The following ATP8B4 variants were observed in gnomAD, a reference collection of about 807,000 sequenced individuals.
ATP8B4 encodes ATPase phospholipid transporting 8B4 (putative).
In ATP8B4, 133 loss-of-function variants were observed where a neutral mutation model predicts 145.6. That is an observed-to-expected ratio of 0.91 (90% CI 0.79 to 1.05). The LOEUF is 1.05. Among genes scored for constraint, ATP8B4 ranks in the 50% least tolerant of loss-of-function variants. The probability of loss-of-function intolerance (pLI) is 0.00; values close to 1 mark genes in which losing one functional copy is unlikely to be tolerated. For synonymous variants in ATP8B4, 507 were observed against 492.9 expected, an observed-to-expected ratio of 1.03 and a Z score of -0.38; for missense variants, 1,458 against 1,425.2, an observed-to-expected ratio of 1.02 and a Z score of -0.37.
chr15:49,965,551 G>A (rs1217228030), intron 13 of ATP8B4, among the ~76,000 whole-genome samples: 1 of 152,184 alleles, frequency 6.6e-6, no homozygotes, highest in East Asian at 1.9e-4. Flanking sequence ...TAAACAGAAT[G>A]CTTGAAAAGC....
chr15:50,026,544 C>T (rs1004987161), intron 6 of ATP8B4, among the ~76,000 whole-genome samples: 1 of 152,100 alleles, frequency 6.6e-6, no homozygotes, highest in African/African-American at 2.4e-5. Context: ...AGAGGGCAGC[C>T]GAGAGCACCT....
chr15:50,122,796 T>C (rs1420254809), upstream of ATP8B4, among the ~76,000 whole-genome samples: 3 of 152,152 alleles, frequency 2.0e-5, no homozygotes, highest in African/African-American at 7.2e-5. Context: ...GAGTCTACAC[T>C]GCAAACCTAC....
At chr15:50,160,266 G>C (rs1161189117) in intron 1 of ATP8B4, among the ~76,000 whole-genome samples, 1 of 151,062 alleles carries the variant, frequency 6.6e-6, no homozygotes, top group South Asian at 2.1e-4. Flanking sequence ...CTCTGATTTT[G>C]TTTGGTCGTC....
At chr15:49,879,497 C>T (rs3803363) in intron 23 of ATP8B4, 38 bp from the exon 24 acceptor site, 272,184 of 1,514,794 alleles carry the variant, frequency 0.18, 27,926 homozygotes, top group East Asian at 0.55. Flanking sequence ...GAAACATCAT[C>T]CATAGTAGTG....
At chr15:49,976,346 T>C (rs1395805888) in intron 12 of ATP8B4, among the ~76,000 whole-genome samples, 2 of 142,666 alleles carry the variant, frequency 1.4e-5, no homozygotes, top group Non-Finnish European at 3.1e-5. Context: ...GCACTTACAA[T>C]GGGCTGGGGT....
chr15:49,961,253 C>T (rs2044048437), intron 14 of ATP8B4, among the ~76,000 whole-genome samples: 1 of 152,082 alleles, frequency 6.6e-6, no homozygotes, highest in African/African-American at 2.4e-5. Flanking sequence ...ATTGATGTAC[C>T]CATTTTTCAT....
intron 13 of ATP8B4, among the ~76,000 whole-genome samples, chr15:49,964,467 T>C (rs1272891469): frequency 1.3e-5 from 2 of 152,156 alleles, no homozygotes; most frequent in African/African-American, 2.4e-5. Flanking sequence ...AAATAGAAGA[T>C]TTAGATAAAT....
intron 21 of ATP8B4, 39 bp from the exon 22 acceptor site, chr15:49,898,290 A>G (rs1209965755): frequency 6.4e-7 from 1 of 1,570,350 alleles, no homozygotes; most frequent in East Asian, 2.3e-5. Flanking sequence ...AGAACAGGAA[A>G]CAATAAATGA....
At chr15:50,143,344 A>G (rs1211732635) in intron 1 of ATP8B4, among the ~76,000 whole-genome samples, 1 of 152,226 alleles carries the variant, frequency 6.6e-6, no homozygotes, top group Admixed American at 6.5e-5. Context: ...GGCTGGAGGA[A>G]TCATTTTCTG....
intron 26 of ATP8B4, among the ~76,000 whole-genome samples, chr15:49,866,106 A>G (rs1047857596): frequency 6.6e-6 from 1 of 152,190 alleles, no homozygotes; most frequent in Non-Finnish European, 1.5e-5. Flanking sequence ...AGCCTACTAC[A>G]TGTAAGCTGT....
chr15:50,095,276 T>C (rs1257530027), intron 2 of ATP8B4, among the ~76,000 whole-genome samples: 2 of 151,940 alleles, frequency 1.3e-5, no homozygotes, highest in African/African-American at 4.8e-5. Flanking sequence ...AATCAGAGAC[T>C]GAAAGAGAGA....
chr15:49,866,547 C>G (rs558581314), intron 25 of ATP8B4, 63 bp from the exon 26 acceptor site: 202 of 1,575,596 alleles, frequency 1.3e-4, no homozygotes, highest in Non-Finnish European at 1.6e-4. Context: ...CATTTTACCT[C>G]GTGATGTTTC....
intron 20 of ATP8B4, among the ~76,000 whole-genome samples, chr15:49,903,618 G>A (rs531388657): frequency 1.3e-5 from 2 of 152,346 alleles, no homozygotes; most frequent in East Asian, 1.9e-4. Context: ...TTGTGGCCAG[G>A]CACAGTGGTT....
At chr15:49,869,006 T>G (rs1024780486) in intron 25 of ATP8B4, among the ~76,000 whole-genome samples, 1 of 152,176 alleles carries the variant, frequency 6.6e-6, no homozygotes, top group African/African-American at 2.4e-5. Flanking sequence ...CCTCCTGGGT[T>G]CAAGCGATTC....
chr15:49,993,216 A>G (rs2047172809), intron 9 of ATP8B4, among the ~76,000 whole-genome samples: 1 of 152,108 alleles, frequency 6.6e-6, no homozygotes, highest in South Asian at 2.1e-4. Context: ...AAACAAAGAT[A>G]AAGAATGACA....
chr15:50,166,007 A>C lies in ATP8B4; in HGVS notation c.-43+16254T>G, dbSNP rs549483529. Among the ~76,000 whole-genome samples, 51 of 144,952 alleles carry C rather than the reference A, an allele frequency of 3.5e-4. 2 individuals carry two copies. Among genetic ancestry groups the C allele is most frequent in the Admixed American group, 2.7e-3 (39 of 14,328 alleles). On this transcript the variant is annotated intron_variant, in intron 1 of 3. Coordinates refer to the ATP8B4 transcript ENST00000558829. The stretch of plus-strand genomic sequence containing the variant: ...CACACACACACACACACACACACAC[A>C]CCTCATCTAACTGCTGAAAATTAGA...
chr15:49,908,191 T>C (rs1229944857), intron 20 of ATP8B4: 5 of 440,762 alleles, frequency 1.1e-5, no homozygotes, highest in African/African-American at 2.0e-5. Flanking sequence ...AGCAACAGGC[T>C]TATTAAAATC....
chr15:50,136,044 A>G (rs2044117176), intron 1 of ATP8B4, among the ~76,000 whole-genome samples: 1 of 152,222 alleles, frequency 6.6e-6, no homozygotes, highest in Non-Finnish European at 1.5e-5. Context: ...ATTTAAATGC[A>G]CACGAGTAGC....
intron 6 of ATP8B4, among the ~76,000 whole-genome samples, chr15:50,023,500 A>G (rs895965853): frequency 6.6e-6 from 1 of 152,156 alleles, no homozygotes; most frequent in African/African-American, 2.4e-5. Context: ...TTAGGCATCT[A>G]TTACTCTAAA....
Sources: gnomAD v4.1 joint callset for allele counts (sites outside exome capture counted in the v4.1 genomes callset) on GRCh38, gnomAD v4.1.1 for gene constraint, MANE v1.5 for transcripts, NCBI Gene and HGNC (gene_info 2026-07-23, HGNC 2026-07-21) for gene names.